The following SP4 variants were observed in gnomAD, a reference collection of about 807,000 sequenced individuals.
The protein encoded by SP4 is Sp4 transcription factor, also known as transcription factor Sp4.
In SP4, 19 loss-of-function variants were observed where a neutral mutation model predicts 72.8. The ratio of observed to expected loss-of-function variants is 0.26; its 90% CI spans 0.18 to 0.38. The LOEUF is 0.38. Among genes scored for constraint, SP4 ranks in the 10% least tolerant of loss-of-function variants. The pLI is 1.00. For synonymous variants in SP4, 395 were observed against 333.1 expected (o/e 1.19, Z -2.02); for missense variants, 1,008 against 926.3 (o/e 1.09, Z -1.14).
intron 3 of SP4, among the ~76,000 whole-genome samples, chr7:21,436,793 A>G (rs951720161): frequency 6.6e-6 from 1 of 152,208 alleles, no homozygotes; most frequent in Non-Finnish European, 1.5e-5. Context: ...GTGTGGTGAG[A>G]TGAGGGCTTA....
chr7:21,488,838 G>C (rs893186601), intron 5 of SP4, among the ~76,000 whole-genome samples: 1 of 151,970 alleles, frequency 6.6e-6, no homozygotes, highest in African/African-American at 2.4e-5. Context: ...TAATAACGAT[G>C]TCATATAGAT....
intron 3 of SP4, among the ~76,000 whole-genome samples, chr7:21,468,774 G>A (rs1260007504): frequency 6.6e-6 from 1 of 151,962 alleles, no homozygotes; most frequent in Non-Finnish European, 1.5e-5. Context: ...TAGACCTTAA[G>A]GAAATGTACA....
chr7:21,456,998 C>A (rs972450846), intron 3 of SP4, among the ~76,000 whole-genome samples: 1 of 148,272 alleles, frequency 6.7e-6, no homozygotes, highest in African/African-American at 2.5e-5. Flanking sequence ...AGGAAAACTT[C>A]CTACAGGGGT....
At chr7:21,488,386 C>G (rs898147360) in intron 5 of SP4, among the ~76,000 whole-genome samples, 1 of 151,556 alleles carries the variant, frequency 6.6e-6, no homozygotes, top group African/African-American at 2.4e-5. Flanking sequence ...AAGACATTGA[C>G]TGTCTTCTAG....
chr7:21,469,954 A>G (rs1475740478), intron 3 of SP4, among the ~76,000 whole-genome samples: 1 of 152,040 alleles, frequency 6.6e-6, no homozygotes, highest in Non-Finnish European at 1.5e-5. Context: ...GATACCTGAG[A>G]GAGTAGTACA....
chr7:21,458,317 C>T (rs1244658913), intron 3 of SP4, among the ~76,000 whole-genome samples: 1 of 152,024 alleles, frequency 6.6e-6, no homozygotes, highest in East Asian at 1.9e-4. Context: ...CCCAGCCTCC[C>T]GAGTAGCTGG....
At chr7:21,489,367 C>G (rs188458729) in intron 5 of SP4, among the ~76,000 whole-genome samples, 1 of 151,976 alleles carries the variant, frequency 6.6e-6, no homozygotes, top group African/African-American at 2.4e-5. Flanking sequence ...GTCACCCAGG[C>G]CAGAACGCAG....
intron 3 of SP4, among the ~76,000 whole-genome samples, chr7:21,443,710 G>C (rs974260723): frequency 6.6e-6 from 1 of 152,202 alleles, no homozygotes; most frequent in Non-Finnish European, 1.5e-5. Context: ...CTCTGGTCTA[G>C]TTGGGGATAT....
At chr7:21,470,536 G>A (rs1784303126) in intron 3 of SP4, among the ~76,000 whole-genome samples, 1 of 152,070 alleles carries the variant, frequency 6.6e-6, no homozygotes, top group Non-Finnish European at 1.5e-5. Flanking sequence ...TCCTTTACCA[G>A]CTAAACCTGA....
chr7:21,442,860 T>C (rs2128395244), intron 3 of SP4, among the ~76,000 whole-genome samples: 1 of 152,258 alleles, frequency 6.6e-6, no homozygotes, highest in South Asian at 2.1e-4. Context: ...CTCAGCCTCC[T>C]GAGTAGCTGA....
At chr7:21,439,413 G>A (rs1000040570) in intron 3 of SP4, among the ~76,000 whole-genome samples, 16 of 152,196 alleles carry the variant, frequency 1.1e-4, no homozygotes, top group African/African-American at 3.9e-4. Flanking sequence ...TAGTGGCGAA[G>A]GCAGGGCTTT....
intron 5 of SP4, among the ~76,000 whole-genome samples, chr7:21,506,894 C>A (rs1352245728): frequency 1.2e-4 from 19 of 152,132 alleles, no homozygotes; most frequent in Admixed American, 1.2e-3. Flanking sequence ...CTCCTTGATC[C>A]CTTTAATTAT....
At chr7:21,454,903 C>T (rs1783715326) in intron 3 of SP4, among the ~76,000 whole-genome samples, 1 of 152,122 alleles carries the variant, frequency 6.6e-6, no homozygotes. Flanking sequence ...GCCATACGCC[C>T]CCATTACCTG....
At chr7:21,498,320 T>G (rs1781776815) in intron 5 of SP4, among the ~76,000 whole-genome samples, 1 of 152,162 alleles carries the variant, frequency 6.6e-6, no homozygotes. Context: ...ATGCACCATT[T>G]TATATAAGAG....
intron 3 of SP4, among the ~76,000 whole-genome samples, chr7:21,456,348 A>C (rs116824929): frequency 1.8e-3 from 280 of 152,336 alleles, no homozygotes; most frequent in African/African-American, 6.4e-3. Context: ...CAAAAGGTGT[A>C]TGGTAAGTCA....
intron 5 of SP4, among the ~76,000 whole-genome samples, chr7:21,500,976 TG>T (rs1781848986): frequency 6.6e-6 from 1 of 152,154 alleles, no homozygotes; most frequent in Admixed American, 6.5e-5. Context: ...TCTTGCAAGA[TG>T]GGGCGTATGG....
At chr7:21,434,215 G>A (rs946590535) in intron 3 of SP4, among the ~76,000 whole-genome samples, 8 of 152,074 alleles carry the variant, frequency 5.3e-5, no homozygotes, top group Non-Finnish European at 8.8e-5. Context: ...TAGCTTTGAC[G>A]GAATGTAATT....
intron 5 of SP4, among the ~76,000 whole-genome samples, chr7:21,506,998 G>A (rs1782015312): frequency 6.6e-6 from 1 of 152,108 alleles, no homozygotes; most frequent in Non-Finnish European, 1.5e-5. Context: ...TGGCTGGTGA[G>A]ACTTCTTGCC....
intron 5 of SP4, among the ~76,000 whole-genome samples, chr7:21,485,841 C>G (rs887464550): frequency 3.3e-5 from 5 of 151,960 alleles, no homozygotes; most frequent in African/African-American, 1.2e-4. Context: ...TTCTAATGAA[C>G]ATGAACAGTT....
Sources: allele counts gnomAD v4.1 joint callset (sites outside exome capture counted in the v4.1 genomes callset), GRCh38; gene constraint gnomAD v4.1.1; transcripts MANE v1.5; gene names NCBI Gene and HGNC (gene_info 2026-07-23, HGNC 2026-07-21).